Variants in TSPAN18 observed in about 807,000 individuals in gnomAD.
TSPAN18 encodes the protein tetraspanin-18.
TSPAN18 carries 14 observed loss-of-function variants against 27.3 expected under a neutral mutation model. The observed-to-expected ratio is 0.51, with a 90% CI of 0.34 to 0.80. The LOEUF (loss-of-function observed/expected upper bound fraction) is 0.80, where lower values mean the gene tolerates loss of function less well. Ranked by LOEUF, TSPAN18 falls within the 30% of genes least tolerant of loss-of-function variation. The pLI is 0.01. For missense variants in TSPAN18, 268 were observed against 323.9 expected (o/e 0.83, Z 1.32); for synonymous variants, 143 against 136.5 (o/e 1.05, Z -0.33).
chr11:44,773,270 G>C (rs1163670923), intron 2 of TSPAN18, among the ~76,000 whole-genome samples: 5 of 151,974 alleles, frequency 3.3e-5, no homozygotes, highest in Non-Finnish European at 7.4e-5. Flanking sequence ...TATAAAATTA[G>C]CCGGGCGTGG....
At chr11:44,789,945 C>A (rs1332735873) in intron 2 of TSPAN18, among the ~76,000 whole-genome samples, 1 of 152,190 alleles carries the variant, frequency 6.6e-6, no homozygotes, top group Non-Finnish European at 1.5e-5. Flanking sequence ...GCCTGTGCCC[C>A]TTTCTGAGTG....
At chr11:44,780,384 A>G (rs1855910940) in intron 2 of TSPAN18, among the ~76,000 whole-genome samples, 2 of 152,220 alleles carry the variant, frequency 1.3e-5, no homozygotes, top group East Asian at 1.9e-4. Flanking sequence ...GACAGGGACA[A>G]TCTGGGCCCA....
At chr11:44,741,749 CT>C (rs771431394) in intron 1 of TSPAN18, among the ~76,000 whole-genome samples, 6 of 152,142 alleles carry the variant, frequency 3.9e-5, no homozygotes, top group Non-Finnish European at 1.5e-5. Context: ...GCCACATGAC[CT>C]TTGGCAAGTT....
chr11:44,893,453 A>C (rs1168973818), intron 3 of TSPAN18, among the ~76,000 whole-genome samples: 1 of 152,170 alleles, frequency 6.6e-6, no homozygotes, highest in African/African-American at 2.4e-5. Context: ...ATCTCAGGCC[A>C]ATTGCTTGTT....
At chr11:44,772,193 A>G (rs1590443760) in intron 2 of TSPAN18, among the ~76,000 whole-genome samples, 1 of 152,224 alleles carries the variant, frequency 6.6e-6, no homozygotes, top group South Asian at 2.1e-4. Flanking sequence ...TCATCCAGAA[A>G]CAGCCTGGAA....
At chr11:44,819,965 C>T (rs1043076516) in intron 2 of TSPAN18, among the ~76,000 whole-genome samples, 3 of 152,052 alleles carry the variant, frequency 2.0e-5, no homozygotes, top group Non-Finnish European at 2.9e-5. Flanking sequence ...TCTGAAAGCT[C>T]CCTGGGACTA....
intron 2 of TSPAN18, among the ~76,000 whole-genome samples, chr11:44,859,275 C>T (rs1441494428): frequency 6.6e-6 from 1 of 152,178 alleles, no homozygotes; most frequent in Non-Finnish European, 1.5e-5. Context: ...AAGGCAACCC[C>T]AAGTCTGGTG....
intron 3 of TSPAN18, among the ~76,000 whole-genome samples, chr11:44,868,487 C>A (rs1292546122): frequency 6.6e-6 from 1 of 152,106 alleles, no homozygotes; most frequent in Non-Finnish European, 1.5e-5. Context: ...CACCTCAGTA[C>A]TGGCGTTGGG....
chr11:44,918,174 C>T lies in TSPAN18; in HGVS notation c.333+128C>T. The T allele has an allele frequency of 4.1e-6, 4 of 974,462 alleles. No individual in the cohort carries two copies. In the Admixed American group the frequency reaches 8.4e-5, roughly 20 times the overall value. The allele number at this position is 974,462 out of a possible 1,614,324, so 60.4% of individuals were successfully genotyped here. On this transcript the variant is annotated intron_variant, in intron 6 of 9. Coordinates refer to ENST00000520358, the MANE Select transcript of TSPAN18 (RefSeq NM_130783.5). ...GCAGCCTCTCATCTGGCACTTCCAG[C>T]CCAAGTCATGGCCCCACCCGCCTGG...
At chr11:44,873,594 A>G (rs1215154565) in intron 3 of TSPAN18, among the ~76,000 whole-genome samples, 1 of 152,222 alleles carries the variant, frequency 6.6e-6, no homozygotes, top group Admixed American at 6.5e-5. Flanking sequence ...AGGAAATTCT[A>G]AGGAGATGTG....
chr11:44,930,819 AGTGTGATGT>A lies in TSPAN18; in HGVS notation c.*1642_*1650del. ...TGCCACGGGCAGGGATGGAAGGAGC[AGTGTGATGT>A]CTGCTCTCTTCTCTCCCCTCTGTCC... On this transcript the variant is annotated 3_prime_UTR_variant, in exon 10 of 10. Transcript: ENST00000520358. 2.1e-6 allele frequency: 1 copy of A among 484,436 alleles called. No homozygotes were observed. Among genetic ancestry groups the A allele is most frequent in the Non-Finnish European group, 4.3e-6 (1 of 234,530 alleles). 30.0% of individuals were successfully genotyped at this position (484,436 alleles called of 1,614,324 possible). A position where few individuals can be genotyped will look rare whatever the true frequency, so the allele number is the denominator to read the frequency against.
chr11:44,857,053 T>C (rs1857757130), intron 2 of TSPAN18, among the ~76,000 whole-genome samples: 1 of 152,168 alleles, frequency 6.6e-6, no homozygotes. Flanking sequence ...GAAAACGAGA[T>C]ACCCAGGGGC....
At chr11:44,735,942 A>G (rs1030558141) in intron 1 of TSPAN18, among the ~76,000 whole-genome samples, 1 of 152,132 alleles carries the variant, frequency 6.6e-6, no homozygotes, top group East Asian at 1.9e-4. Context: ...ACCTGATTAT[A>G]TCTGCGAAGT....
chr11:44,881,144 G>A (rs1858478448), intron 3 of TSPAN18, among the ~76,000 whole-genome samples: 1 of 152,216 alleles, frequency 6.6e-6, no homozygotes, highest in Admixed American at 6.5e-5. Flanking sequence ...AGTCTTCACT[G>A]CTGAGAAATG....
At chr11:44,763,901 T>TTA (rs996892988) in intron 1 of TSPAN18, among the ~76,000 whole-genome samples, 3 of 152,072 alleles carry the variant, frequency 2.0e-5, no homozygotes, top group African/African-American at 4.8e-5. Context: ...ACTGGGTAAT[T>TTA]TATATATAAA....
intron 2 of TSPAN18, among the ~76,000 whole-genome samples, chr11:44,854,757 T>C (rs1857692508): frequency 6.6e-6 from 1 of 152,196 alleles, no homozygotes; most frequent in South Asian, 2.1e-4. Flanking sequence ...CGTTGCTGTG[T>C]GATCTTGAGC....
intron 2 of TSPAN18, among the ~76,000 whole-genome samples, chr11:44,852,287 A>G (rs1377454716): frequency 1.3e-5 from 2 of 152,226 alleles, no homozygotes; most frequent in Non-Finnish European, 2.9e-5. Flanking sequence ...GGCAATGGCA[A>G]TGTTACATGT....
chr11:44,878,939 A>G (rs560385788), intron 3 of TSPAN18, among the ~76,000 whole-genome samples: 1 of 152,164 alleles, frequency 6.6e-6, no homozygotes, highest in Admixed American at 6.5e-5. Flanking sequence ...TGAGCCTCCC[A>G]TCCCTCAGCA....
rs1249483834 is a variant in TSPAN18, at chr11:44,931,182, G to A, written c.*2004G>A. The A allele has an allele frequency of 6.0e-6, 2 of 336,000 alleles. No individual in the cohort carries two copies. The highest frequency in any genetic ancestry group is 4.3e-5 in the African/African-American group (2 of 46,212). The allele number at this position is 336,000 out of a possible 1,614,324, so 20.8% of individuals were successfully genotyped here. On this transcript the variant is annotated 3_prime_UTR_variant, in exon 10 of 10. Transcript: ENST00000520358. The stretch of plus-strand genomic sequence containing the variant: ...CCATAAATGACACCTGAGGTCCGTA[G>A]AAGCTAAGCTCCTGAGACCCAGGGG...
Sources: allele counts gnomAD v4.1 joint callset (sites outside exome capture counted in the v4.1 genomes callset), GRCh38; gene constraint gnomAD v4.1.1; transcripts MANE v1.5; gene names NCBI Gene and HGNC (gene_info 2026-07-23, HGNC 2026-07-21).